The following ELMOD1 variants were observed in gnomAD, a reference collection of about 807,000 sequenced individuals.
ELMOD1 encodes the protein ELMO domain containing 1.
Under a neutral mutation model 46.7 loss-of-function variants are expected in ELMOD1, and 21 were observed. The ratio of observed to expected loss-of-function variants is 0.45; its 90% CI spans 0.32 to 0.65. The LOEUF (loss-of-function observed/expected upper bound fraction) is 0.65. Ranked by LOEUF, ELMOD1 falls within the 30% of genes least tolerant of loss-of-function variation. ELMOD1 has a pLI of 0.04. For missense variants in ELMOD1, 348 were observed against 407.8 expected (o/e 0.85, Z 1.26); for synonymous variants, 122 against 138.2 (o/e 0.88, Z 0.82).
intron 1 of ELMOD1, chr11:107,591,857 G>A (rs1250983385): frequency 2.1e-6 from 1 of 479,080 alleles, no homozygotes; most frequent in Non-Finnish European, 4.3e-6. Context: ...GGAGGAGCTA[G>A]GCAGCCGGGC....
chr11:107,608,229 G>A (rs1865719977), intron 1 of ELMOD1, among the ~76,000 whole-genome samples: 1 of 151,924 alleles, frequency 6.6e-6, no homozygotes, highest in Non-Finnish European at 1.5e-5. Flanking sequence ...GAGGCAATTA[G>A]GGAAACCTAA....
chr11:107,640,731 G>A (rs1866306602), intron 6 of ELMOD1, among the ~76,000 whole-genome samples: 1 of 152,098 alleles, frequency 6.6e-6, no homozygotes, highest in East Asian at 1.9e-4. Flanking sequence ...TTGACCCTGA[G>A]TGCCCCATTA....
chr11:107,628,028 C>T (rs1028152453), intron 2 of ELMOD1, among the ~76,000 whole-genome samples: 1 of 151,024 alleles, frequency 6.6e-6, no homozygotes, highest in Non-Finnish European at 1.5e-5. Context: ...CATATATATC[C>T]CAGTAATTAA....
intron 1 of ELMOD1, among the ~76,000 whole-genome samples, chr11:107,612,404 A>G (rs1025157626): frequency 2.6e-5 from 4 of 152,320 alleles, no homozygotes; most frequent in South Asian, 2.1e-4. Flanking sequence ...ACTATTGGAT[A>G]CTATGCTCAC....
chr11:107,656,916 G>T (rs1285463701), intron 11 of ELMOD1, among the ~76,000 whole-genome samples: 1 of 152,162 alleles, frequency 6.6e-6, no homozygotes, highest in East Asian at 1.9e-4. Context: ...AATAAAAAAG[G>T]TTGTCAAATT....
chr11:107,644,374 C>T (rs1425719418), intron 6 of ELMOD1, among the ~76,000 whole-genome samples: 1 of 152,108 alleles, frequency 6.6e-6, no homozygotes, highest in Non-Finnish European at 1.5e-5. Flanking sequence ...TATAAGCATT[C>T]ACCCAATGAG....
At chr11:107,655,570 T>C (rs1206288500) in intron 10 of ELMOD1, among the ~76,000 whole-genome samples, 1 of 124,788 alleles carries the variant, frequency 8.0e-6, no homozygotes, top group Admixed American at 8.9e-5. Context: ...ATTATTGAAA[T>C]GCCTTTTTTT....
chr11:107,647,283 T>C (rs1866446518), intron 6 of ELMOD1, among the ~76,000 whole-genome samples, 185 bp from the exon 7 acceptor site: 1 of 152,188 alleles, frequency 6.6e-6, no homozygotes, highest in South Asian at 2.1e-4. Context: ...CTGTCATAAA[T>C]AATTGAAAGA....
At chr11:107,636,964 A>C (rs1866240003) in intron 6 of ELMOD1, among the ~76,000 whole-genome samples, 1 of 152,248 alleles carries the variant, frequency 6.6e-6, no homozygotes, top group African/African-American at 2.4e-5. Flanking sequence ...CAAGAGCCTG[A>C]ACAATGTATT....
At chr11:107,650,948 T>C in intron 9 of ELMOD1, 40 bp downstream of exon 9, 1 of 1,062,316 alleles carries the variant, frequency 9.4e-7, no homozygotes. Flanking sequence ...GCTTTTATTT[T>C]GTCTTAGAAT....
intron 1 of ELMOD1, among the ~76,000 whole-genome samples, chr11:107,597,183 A>G (rs1300789559): frequency 6.6e-6 from 1 of 152,158 alleles, no homozygotes; most frequent in Non-Finnish European, 1.5e-5. Context: ...TCAAAGCAAT[A>G]GAGAATTTGG....
chr11:107,654,302 G>T, intron 10 of ELMOD1, 80 bp downstream of exon 10: 1 of 1,215,086 alleles, frequency 8.2e-7, no homozygotes, highest in South Asian at 1.3e-5. Context: ...TGAAAGACAA[G>T]GGTGAAACTC....
chr11:107,654,221 G>A lies in ELMOD1; in HGVS notation c.697G>A (p.Gly233Arg). The A allele has an allele frequency of 6.3e-7, 1 of 1,589,450 alleles. No individual in the cohort carries two copies. Among genetic ancestry groups the A allele is most frequent in the Non-Finnish European group, 8.6e-7 (1 of 1,167,052 alleles). The change falls in exon 10 of 12, where the codon GGG becomes AGG. Residue 233 changes from glycine (G) to arginine (R), a missense_variant and splice_region_variant. Coordinates refer to ENST00000265840, the MANE Select transcript of ELMOD1 (RefSeq NM_018712.4). ...GAAGAAAAGGATGGATAAGGCAATT[G>A]GGTGAGTATGGGATCTCACATGGAA... ...WEKKRMDKAI[G>R]YSFAIVGINI...
At chr11:107,604,155 A>T (rs1195052677) in intron 1 of ELMOD1, among the ~76,000 whole-genome samples, 3 of 152,150 alleles carry the variant, frequency 2.0e-5, no homozygotes, top group Non-Finnish European at 4.4e-5. Flanking sequence ...CATGTTTATG[A>T]TCTGAGCTGT....
chr11:107,601,270 A>G (rs184490472), intron 1 of ELMOD1, among the ~76,000 whole-genome samples: 10 of 151,722 alleles, frequency 6.6e-5, no homozygotes, highest in Non-Finnish European at 1.3e-4. Context: ...AATTCTCCCA[A>G]TATCACTATT....
chr11:107,604,092 G>C (rs1006754600), intron 1 of ELMOD1, among the ~76,000 whole-genome samples: 6 of 151,988 alleles, frequency 3.9e-5, no homozygotes, highest in Admixed American at 1.3e-4. Flanking sequence ...AACCAAGCAT[G>C]TACTTACTCA....
At chr11:107,630,287 CAT>C in intron 2 of ELMOD1, 128 bp from the exon 3 acceptor site, 1 of 741,584 alleles carries the variant, frequency 1.3e-6, no homozygotes, top group Non-Finnish European at 2.1e-6. Context: ...GGACTAGAAA[CAT>C]ATGTTAAGTA....
intron 8 of ELMOD1, 91 bp downstream of exon 8, chr11:107,650,494 G>T: frequency 1.0e-6 from 1 of 960,676 alleles, no homozygotes. Context: ...GAGATTCTCA[G>T]GAGAGTGAGG....
intron 1 of ELMOD1, among the ~76,000 whole-genome samples, chr11:107,602,895 G>A (rs1449093010): frequency 6.6e-6 from 1 of 151,960 alleles, no homozygotes; most frequent in African/African-American, 2.4e-5. Flanking sequence ...TAGTCCAGTT[G>A]GGGGCTAATG....
Sources: allele counts gnomAD v4.1 joint callset (sites outside exome capture counted in the v4.1 genomes callset), GRCh38; gene constraint gnomAD v4.1.1; transcripts MANE v1.5; gene names NCBI Gene and HGNC (gene_info 2026-07-23, HGNC 2026-07-21).